Variants in GSTA3 observed in about 807,000 individuals in gnomAD.
GSTA3 encodes the protein glutathione S-transferase alpha 3.
A neutral mutation model predicts 23.1 loss-of-function variants in GSTA3; 16 were observed. The observed-to-expected ratio is 0.69, with a 90% CI of 0.47 to 1.05. GSTA3 has a LOEUF of 1.05. Among genes scored for constraint, GSTA3 ranks in the 50% least tolerant of loss-of-function variants. The pLI is 0.00. For missense variants in GSTA3, 319 were observed against 263.6 expected (o/e 1.21, Z -1.46); for synonymous variants, 122 against 91.0 (o/e 1.34, Z -1.94).
intron 2 of GSTA3, 74 bp downstream of exon 2, chr6:52,905,674 A>C (rs1765866451): frequency 2.4e-6 from 2 of 831,388 alleles, no homozygotes; most frequent in Middle Eastern, 2.2e-4. Context: ...CTAGTATGGA[A>C]GTCTCTTGGC....
intron 3 of GSTA3, among the ~76,000 whole-genome samples, 193 bp downstream of exon 3, chr6:52,903,483 G>C (rs1217274857): frequency 1.3e-5 from 2 of 150,250 alleles, no homozygotes; most frequent in African/African-American, 4.9e-5. Context: ...TGTAGTCCCA[G>C]CTACTCGGGA....
chr6:52,905,825 T>G lies in GSTA3; in HGVS notation c.10A>C (p.Lys4Gln), dbSNP rs1765872882. ...CCATTGAAGTAGTGAAGCTTGGGCTTCCCTGCCATGGTAACAGTCTCTTGG... is the reference window on the plus strand; with the variant it reads ...CCATTGAAGTAGTGAAGCTTGGGCTGCCCTGCCATGGTAACAGTCTCTTGG... MAGKPKLHYFNGRG... is the reference protein window; with the variant it reads MAGQPKLHYFNGRG... The change falls in exon 2 of 7, where the codon AAG (lysine) becomes CAG (glutamine). Residue 4 changes from lysine to glutamine, a missense_variant. Lys to Gln is a moderately conservative substitution (Grantham distance 53, BLOSUM62 1). Coordinates refer to ENST00000211122, the MANE Select transcript of GSTA3 (RefSeq NM_000847.5). The G allele has an allele frequency of 1.3e-6, 2 of 1,599,082 alleles. No homozygotes were observed. The highest frequency in any genetic ancestry group is 1.7e-6 in the Non-Finnish European group (2 of 1,168,858).
intron 1 of GSTA3, among the ~76,000 whole-genome samples, chr6:52,909,128 T>C (rs1040793602): frequency 6.6e-6 from 1 of 152,186 alleles, no homozygotes; most frequent in African/African-American, 2.4e-5. Context: ...TAGATCCTGA[T>C]TGTCAAGCAT....
At chr6:52,901,871 G>A (rs1209655564) in intron 4 of GSTA3, among the ~76,000 whole-genome samples, 1 of 152,168 alleles carries the variant, frequency 6.6e-6, no homozygotes, top group Admixed American at 6.5e-5. Flanking sequence ...TGCTCAAGTT[G>A]ACCAGTCCAT....
chr6:52,900,102 C>G (rs779749663), intron 4 of GSTA3, 27 bp from the exon 5 acceptor site: 3 of 1,586,536 alleles, frequency 1.9e-6, no homozygotes, highest in African/African-American at 2.7e-5. Context: ...GCCAAAGCAT[C>G]AAATGCCTCT....
chr6:52,896,905 G>A lies in GSTA3; in HGVS notation c.570C>T (p.Asn190=), dbSNP rs761489915. ...LLKALKTRIS[N]LPTVKKFLQP... ...GTAGAAACTTCTTCACCGTGGGCAG[G>A]TTGCTGATTCTGGTTTTCAGGGCCT... The change falls in exon 7 of 7, where the codon AAC becomes AAT. Residue 190 remains asparagine (N), a synonymous_variant. Coordinates refer to ENST00000211122, the MANE Select transcript of GSTA3 (RefSeq NM_000847.5). The A allele has an allele frequency of 8.1e-6, 13 of 1,613,884 alleles. No homozygotes were observed. The highest frequency in any genetic ancestry group is 9.3e-6 in the Non-Finnish European group (11 of 1,179,938).
At chr6:52,897,977 G>A in intron 5 of GSTA3, 21 bp from the exon 6 acceptor site, 2 of 1,613,698 alleles carry the variant, frequency 1.2e-6, no homozygotes, top group East Asian at 4.5e-5. Context: ...TGAGGAATCA[G>A]ATCAGGAATA....
rs1018712048 is a variant in GSTA3, at chr6:52,896,848, A to G, written c.627T>C (p.Asp209=). 5.0e-6 allele frequency: 8 copies of G among 1,613,986 alleles called. No individual in the cohort carries two copies. In the East Asian group the frequency reaches 1.6e-4, roughly 31 times the overall value. ...TTCTGGCTTCTTCTAAAGCTTTTGC[A>G]TCTGCGGGAGGCTTCCTTGGGCTGC... ...QPGSPRKPPA[D]AKALEEARKI... The change falls in exon 7 of 7, where the codon GAT becomes GAC. Residue 209 remains aspartate (D), a synonymous_variant. Transcript: ENST00000211122.
intron 4 of GSTA3, 66 bp from the exon 5 acceptor site, chr6:52,900,141 C>T: frequency 1.4e-6 from 2 of 1,428,548 alleles, no homozygotes; most frequent in African/African-American, 1.4e-5. Context: ...TTTATAAAAA[C>T]CTAAGAGAAT....
In GSTA3 at chr6:52,896,890, C is replaced by T. The variant is rs1213429126; in HGVS notation, c.585G>A (p.Lys195=). The T allele has an allele frequency of 1.2e-6, 2 of 1,613,972 alleles. No individual in the cohort carries two copies. Among genetic ancestry groups the T allele is most frequent in the African/African-American group, 2.7e-5 (2 of 74,914 alleles). The change falls in exon 7 of 7, where the codon AAG becomes AAA. Residue 195 remains lysine, a synonymous_variant. Transcript: ENST00000211122. ...TTGGGCTGCCAGGCTGTAGAAACTT[C>T]TTCACCGTGGGCAGGTTGCTGATTC... ...KTRISNLPTV[K]KFLQPGSPRK...
intron 1 of GSTA3, among the ~76,000 whole-genome samples, chr6:52,906,671 T>C (rs1410977892): frequency 6.6e-6 from 1 of 151,900 alleles, no homozygotes; most frequent in African/African-American, 2.4e-5. Context: ...TATCTACAAC[T>C]ATCTGATCTT....
chr6:52,903,431 C>CAA lies in GSTA3; in HGVS notation c.139+243_139+244dup, dbSNP rs398039914. 4.8e-3 allele frequency among the ~76,000 whole-genome samples: 581 copies of CAA among 121,204 alleles called. 4 individuals carry two copies. The highest frequency in any genetic ancestry group is 0.035 in the East Asian group (151 of 4,306). 79.5% of individuals were successfully genotyped at this position (121,204 alleles called of 152,430 possible). ...TGAAACCCCGTCTCTACTAAAAATA[C>CAA]AAAAAAAAAAAAAAAACTAGCCTGG... is the stretch of plus-strand genomic sequence containing the variant. On this transcript the variant is annotated intron_variant, in intron 3 of 6. Coordinates refer to ENST00000211122, the MANE Select transcript of GSTA3 (RefSeq NM_000847.5).
At chr6:52,903,924 CCATGCT>C (rs1194914149) in intron 2 of GSTA3, among the ~76,000 whole-genome samples, 197 bp from the exon 3 acceptor site, 2 of 152,158 alleles carry the variant, frequency 1.3e-5, no homozygotes, top group East Asian at 3.8e-4. Context: ...ATGGGTCAGA[CCATGCT>C]CATGCTCATG....
intron 4 of GSTA3, 72 bp from the exon 5 acceptor site, chr6:52,900,147 A>G (rs1205972478): frequency 7.5e-7 from 1 of 1,331,990 alleles, no homozygotes; most frequent in Non-Finnish European, 1.0e-6. Flanking sequence ...AAAACCTAAG[A>G]GAATAGAGGG....
At position 52,903,665 on chromosome 6, in the gene GSTA3, CT is replaced by C; in HGVS notation, c.139+10del. On this transcript the variant is annotated intron_variant, in intron 3 of 6. Coordinates refer to ENST00000211122, the MANE Select transcript of GSTA3 (RefSeq NM_000847.5). ...TACCCTCATCAGAGGCACTTAGAGA[CT>C]TGATCTTACCATTTCTTAACTTTCC... 6.8e-7 allele frequency: 1 copy of C among 1,473,706 alleles called. No homozygotes were observed. The highest frequency in any genetic ancestry group is 9.5e-7 in the Non-Finnish European group (1 of 1,053,506). The allele number at this position is 1,473,706 out of a possible 1,614,324, so 91.3% of individuals were successfully genotyped here.
chr6:52,907,802 T>C (rs1417450888), intron 1 of GSTA3, among the ~76,000 whole-genome samples: 2 of 117,836 alleles, frequency 1.7e-5, no homozygotes, highest in East Asian at 5.5e-4. Context: ...GGAAGGGGAA[T>C]ATCACACTCT....
intron 1 of GSTA3, among the ~76,000 whole-genome samples, chr6:52,907,878 G>T (rs2127365198): frequency 1.3e-5 from 2 of 151,606 alleles, no homozygotes; most frequent in Middle Eastern, 6.8e-3. Context: ...AGTGCTGGAT[G>T]ATGAGTTGGT....
At chr6:52,901,657 G>T (rs1405754680) in intron 4 of GSTA3, among the ~76,000 whole-genome samples, 1 of 152,236 alleles carries the variant, frequency 6.6e-6, no homozygotes, top group Non-Finnish European at 1.5e-5. Flanking sequence ...TAGAGGAATT[G>T]CTGGGTCATT....
At position 52,903,679 on chromosome 6, in the gene GSTA3, T is replaced by C; in HGVS notation, c.136A>G (p.Asn46Asp). 1 of 1,550,674 alleles carries C rather than the reference T, an allele frequency of 6.4e-7. No individual in the cohort carries two copies. The highest frequency in any genetic ancestry group is 2.2e-5 in the East Asian group (1 of 44,524). Residue 46 changes from asparagine to aspartate, a missense_variant, in exon 3 of 7, where the codon AAT (asparagine) becomes GAT (aspartate). By Grantham distance (23) the Asn-to-Asp change is conservative. Transcript: ENST00000211122. ...GCACTTAGAGACTTGATCTTACCATTTCTTAACTTTCCCAAATCTTCTGCA... is the reference window on the plus strand; with the variant it reads ...GCACTTAGAGACTTGATCTTACCATCTCTTAACTTTCCCAAATCTTCTGCA... ...GSAEDLGKLR[N>D]DGSLMFQQVP...
Sources: gnomAD v4.1 joint callset for allele counts (sites outside exome capture counted in the v4.1 genomes callset) on GRCh38, gnomAD v4.1.1 for gene constraint, MANE v1.5 for transcripts, NCBI Gene and HGNC (gene_info 2026-07-23, HGNC 2026-07-21) for gene names.